The following RAD23A variants were observed in gnomAD, a reference collection of about 807,000 sequenced individuals.
RAD23A encodes lysine-specific demethylase RAD23A.
A neutral mutation model predicts 44.8 loss-of-function variants in RAD23A; 16 were observed. The ratio of observed to expected loss-of-function variants is 0.36; its 90% CI spans 0.24 to 0.54. The LOEUF (loss-of-function observed/expected upper bound fraction) is 0.54. Ranked by LOEUF, RAD23A falls within the 20% of genes least tolerant of loss-of-function variation. The pLI, the probability that RAD23A is intolerant of heterozygous loss-of-function variation, is 0.89. For synonymous variants in RAD23A, 217 were observed against 202.9 expected (o/e 1.07, Z -0.59); for missense variants, 380 against 483.3 (o/e 0.79, Z 2.00).
rs139446686 is a variant in RAD23A, at chr19:12,949,635, A to C, written c.813+227A>C. 5.0e-4 allele frequency: 286 copies of C among 575,306 alleles called. 1 individual carries two copies. The highest frequency in any genetic ancestry group is 4.0e-3 in the African/African-American group (214 of 53,758). The allele number at this position is 575,306 out of a possible 1,614,324, so 35.6% of individuals were successfully genotyped here. A position where few individuals can be genotyped will look rare whatever the true frequency, so the allele number is the denominator to read the frequency against. On this transcript the variant is annotated intron_variant, in intron 7 of 8. Transcript: ENST00000586534. ...TGTCAACATCACCTCCCACAGAAGA[A>C]GACACCGGAAACTTAGAGCAGCCTG...
At chr19:12,946,084 G>GGGGGGGGGGCT in intron 1 of RAD23A, 64 bp downstream of exon 1, 1 of 512,146 alleles carries the variant, frequency 2.0e-6, no homozygotes, top group Non-Finnish European at 3.7e-6. Flanking sequence ...TGGGGGCGGG[G>GGGGGGGGGGCT]AGGCTAGAAT....
At chr19:12,950,183 A>G (rs556768411) in intron 7 of RAD23A, among the ~76,000 whole-genome samples, 1 of 152,080 alleles carries the variant, frequency 6.6e-6, no homozygotes, top group South Asian at 2.1e-4. Context: ...AAGACTTAGA[A>G]CAGACCTCCC....
intron 7 of RAD23A, among the ~76,000 whole-genome samples, chr19:12,951,393 T>C (rs561304615): frequency 6.6e-5 from 10 of 152,298 alleles, no homozygotes; most frequent in African/African-American, 2.4e-4. Flanking sequence ...TCTGGTGTCA[T>C]TGTCTGCCTC....
chr19:12,949,640 C>T (rs1971754253), intron 7 of RAD23A: 1 of 569,708 alleles, frequency 1.8e-6, no homozygotes, highest in Non-Finnish European at 3.1e-6. Context: ...GAAGAAGACA[C>T]CGGAAACTTA....
rs1296722170 is a variant in RAD23A, at chr19:12,948,619, T to G, written c.472+67T>G. 5 of 1,580,954 alleles carry G rather than the reference T, an allele frequency of 3.2e-6. No individual in the cohort carries two copies. The highest frequency in any genetic ancestry group is 4.3e-6 in the Non-Finnish European group (5 of 1,163,464). On this transcript the variant is annotated intron_variant, in intron 4 of 8. Transcript: ENST00000586534. This position sits in a 1 kb window ranked among gnomAD's most constrained non-coding sequence, Gnocchi z 5.5. ...AGCCATCAGCTGGGCCTTGTCTGGG[T>G]GCGGGAGGGCCTGGGAGCTGCCCTT... is the stretch of plus-strand genomic sequence containing the variant.
chr19:12,948,474 A>C lies in RAD23A; in HGVS notation c.417-23A>C. 1 of 1,565,824 alleles carries C rather than the reference A, an allele frequency of 6.4e-7. No individual in the cohort carries two copies. The highest frequency in any genetic ancestry group is 2.2e-5 in the East Asian group (1 of 44,464). The stretch of plus-strand genomic sequence containing the variant: ...GCAAGCCGCCAGAAGCCAGGGTCCG[A>C]TTTCTCTCTCTTGAATTTGCAGCTC... On this transcript the variant is annotated intron_variant, in intron 3 of 8. Coordinates refer to ENST00000586534, the MANE Select transcript of RAD23A (RefSeq NM_005053.4). The surrounding 1 kb of genome is among the most constrained non-coding windows in gnomAD (Gnocchi z 5.5).
Position 12,953,378 on chromosome 19 carries a change from T to G in RAD23A, c.*329T>G. The G allele has an allele frequency of 5.5e-6, 1 of 181,156 alleles. No homozygotes were observed. The highest frequency in any genetic ancestry group is 1.4e-4 in the East Asian group (1 of 7,188). 11.2% of individuals were successfully genotyped at this position (181,156 alleles called of 1,614,324 possible). Reference sequence around the variant, plus strand: ...GGAAAGGCGGCTGCTTGCCTCTCCATCCTCCGAAAAACCCCTGAGGACCCC... The same window carrying G: ...GGAAAGGCGGCTGCTTGCCTCTCCAGCCTCCGAAAAACCCCTGAGGACCCC... On this transcript the variant is annotated 3_prime_UTR_variant, in exon 9 of 9. Transcript: ENST00000586534.
intron 7 of RAD23A, chr19:12,952,469 G>C (rs1165378466): frequency 1.9e-6 from 1 of 536,464 alleles, no homozygotes; most frequent in Admixed American, 3.5e-5. Context: ...TGGGATTACA[G>C]GTGTGAGCCA....
In RAD23A at chr19:12,948,695, C is replaced by T. The variant is rs1160441898; in HGVS notation, c.482C>T (p.Ser161Phe). The T allele has an allele frequency of 1.9e-6, 3 of 1,612,620 alleles. No homozygotes were observed. The South Asian group carries it at 3.3e-5, about 18-fold the overall frequency. The change falls in exon 5 of 9, where the codon TCT becomes TTT. Residue 161 changes from serine to phenylalanine, a missense_variant. Physicochemically the swap from Ser to Phe is radical, Grantham distance 155. Transcript: ENST00000586534. The surrounding 1 kb of genome is among the most constrained non-coding windows in gnomAD (Gnocchi z 5.5). ...GCTGCTTCCTCCACAGTGACGGGCT[C>T]TGAGTATGAGACGATGCTGACGGAG... ...EDAASTLVTG[S>F]EYETMLTEIM...
Position 12,948,585 on chromosome 19 carries a change from G to T in RAD23A, c.472+33G>T. The T allele has an allele frequency of 6.3e-7, 1 of 1,576,622 alleles. No individual in the cohort carries two copies. The highest frequency in any genetic ancestry group is 8.6e-7 in the Non-Finnish European group (1 of 1,161,138). ...GGTGGTCCCCAGGGCAGAGGTGACT[G>T]GGTGCCCCAGCCATCAGCTGGGCCT... On this transcript the variant is annotated intron_variant, in intron 4 of 8. Transcript: ENST00000586534. The surrounding 1 kb of genome is among the most constrained non-coding windows in gnomAD (Gnocchi z 5.5).
In RAD23A at chr19:12,948,023, G is replaced by A. The variant is rs780296753; in HGVS notation, c.234+14G>A. The A allele has an allele frequency of 1.8e-5, 29 of 1,612,452 alleles. No individual in the cohort carries two copies. The Admixed American group carries it at 4.8e-4, about 27-fold the overall frequency. On this transcript the variant is annotated intron_variant, in intron 2 of 8. Transcript: ENST00000586534. This position sits in a 1 kb window ranked among gnomAD's most constrained non-coding sequence, Gnocchi z 5.5. ...ATGGTGACCAAGGTGGGTGACGTGTGCTGGCTGGGAGGGTGGGTGGACGAG... is the reference window on the plus strand; with the variant it reads ...ATGGTGACCAAGGTGGGTGACGTGTACTGGCTGGGAGGGTGGGTGGACGAG...
rs752096988 is a variant in RAD23A, at chr19:12,948,143, G to A, written c.235-34G>A. On this transcript the variant is annotated intron_variant, in intron 2 of 8. Transcript: ENST00000586534. This position sits in a 1 kb window ranked among gnomAD's most constrained non-coding sequence, Gnocchi z 5.5. Reference sequence around the variant, plus strand: ...GCGGGTTGTTGGGTCTGATAGGGTTGCTGATGCCAGCTCCCTTTTTCTTGC... The same window carrying A: ...GCGGGTTGTTGGGTCTGATAGGGTTACTGATGCCAGCTCCCTTTTTCTTGC... The A allele has an allele frequency of 1.2e-6, 2 of 1,613,314 alleles. No individual in the cohort carries two copies. The highest frequency in any genetic ancestry group is 4.5e-5 in the East Asian group (2 of 44,888).
chr19:12,948,880 G>A lies in RAD23A; in HGVS notation c.600+67G>A. The A allele has an allele frequency of 6.4e-7, 1 of 1,556,672 alleles. No homozygotes were observed. ...TACCCGGGCGTCACTGCCCTGATGG[G>A]CGGTTGGGAAGGCAAAACCTGCCCT... On this transcript the variant is annotated intron_variant, in intron 5 of 8. Transcript: ENST00000586534. The surrounding 1 kb of genome is among the most constrained non-coding windows in gnomAD (Gnocchi z 5.5).
intron 1 of RAD23A, 36 bp downstream of exon 1, chr19:12,946,056 C>CGGGGGGGGGGGGGGG: frequency 3.6e-5 from 4 of 110,862 alleles, no homozygotes; most frequent in Non-Finnish European, 3.3e-5. Context: ...GCGGGAGCGA[C>CGGGGGGGGGGGGGGG]GGGTTTCGGG....
At chr19:12,949,037 C>A in intron 5 of RAD23A, 44 bp from the exon 6 acceptor site, 1 of 1,586,104 alleles carries the variant, frequency 6.3e-7, no homozygotes, top group Non-Finnish European at 8.6e-7. Flanking sequence ...AGGAGGGTGG[C>A]AGCAGGAGGT....
At chr19:12,947,288 G>A (rs891551832) in intron 1 of RAD23A, among the ~76,000 whole-genome samples, 2 of 152,150 alleles carry the variant, frequency 1.3e-5, no homozygotes, top group Non-Finnish European at 2.9e-5. Context: ...TTAGTCTGGA[G>A]TGGTGGTGTG....
In RAD23A at chr19:12,952,694, C is replaced by T. The variant is rs1427030695; in HGVS notation, c.819C>T (p.Ile273=). Residue 273 remains isoleucine, a synonymous_variant, in exon 8 of 9, where the codon ATC becomes ATT. Transcript: ENST00000586534. ...GQENPQLLQQ[I]SRHQEQFIQM... is the part of the protein sequence containing the mutation. The stretch of plus-strand genomic sequence containing the variant: ...TTCCCCACCCTCTCCTGCAGCAAAT[C>T]AGCCGGCACCAGGAGCAGTTCATCC... 1 of 1,609,482 alleles carries T rather than the reference C, an allele frequency of 6.2e-7. No individual in the cohort carries two copies. The highest frequency in any genetic ancestry group is 1.3e-5 in the African/African-American group (1 of 74,736).
intron 7 of RAD23A, among the ~76,000 whole-genome samples, chr19:12,951,021 C>G (rs1971797418): frequency 1.3e-5 from 2 of 152,122 alleles, no homozygotes; most frequent in Admixed American, 1.3e-4. Context: ...CCGAGATTGC[C>G]CCACTGCACT....
chr19:12,945,884 T>C lies in RAD23A; in HGVS notation c.-65T>C. On this transcript the variant is annotated 5_prime_UTR_variant, in exon 1 of 9. It removes an upstream start codon present in the reference 5' UTR. Coordinates refer to ENST00000586534, the MANE Select transcript of RAD23A (RefSeq NM_005053.4). ...GGCGCGGCGCGCCTGGGCGCTAAGA[T>C]GGCGGCGGCGTGAGTTGCATGTTGT... 1 of 1,548,426 alleles carries C rather than the reference T, an allele frequency of 6.5e-7. No homozygotes were observed. The highest frequency in any genetic ancestry group is 8.8e-7 in the Non-Finnish European group (1 of 1,132,644).
Sources: allele counts gnomAD v4.1 joint callset (sites outside exome capture counted in the v4.1 genomes callset), GRCh38; gene constraint gnomAD v4.1.1; non-coding constraint Gnocchi (gnomAD v3.1); transcripts MANE v1.5; gene names NCBI Gene and HGNC (gene_info 2026-07-23, HGNC 2026-07-21).